NRG1: variants seen among roughly 807,000 people sequenced by gnomAD.
NRG1 encodes pro-neuregulin-1, membrane-bound isoform.
Under a neutral mutation model 63.8 loss-of-function variants are expected in NRG1, and 18 were observed. The ratio of observed to expected loss-of-function variants is 0.28; its 90% CI spans 0.19 to 0.42. NRG1 has a LOEUF of 0.42. Among genes scored for constraint, NRG1 ranks in the 10% least tolerant of loss-of-function variants. The probability of loss-of-function intolerance (pLI) is 1.00; values close to 1 mark genes in which losing one functional copy is unlikely to be tolerated. For missense variants in NRG1, 762 were observed against 814.7 expected (o/e 0.94, Z 0.79); for synonymous variants, 302 against 301.3 (o/e 1.00, Z -0.02).
intron 1 of NRG1, among the ~76,000 whole-genome samples, chr8:31,916,184 TAC>T (rs1186469027): frequency 6.6e-6 from 1 of 152,120 alleles, no homozygotes; most frequent in Non-Finnish European, 1.5e-5. Flanking sequence ...ATAGGCTTAG[TAC>T]ATTTTAGACC....
chr8:31,848,463 T>C (rs1212885001), intron 1 of NRG1, among the ~76,000 whole-genome samples: 5 of 152,160 alleles, frequency 3.3e-5, no homozygotes, highest in African/African-American at 1.2e-4. Flanking sequence ...GCTGTTTACA[T>C]AGCAAATACA....
chr8:31,640,233 C>T lies in NRG1; in HGVS notation c.37+802C>T. The T allele has an allele frequency of 8.7e-7, 1 of 1,155,752 alleles. No individual in the cohort carries two copies. Among genetic ancestry groups the T allele is most frequent in the African/African-American group, 1.6e-5 (1 of 61,102 alleles). 71.6% of individuals were successfully genotyped at this position (1,155,752 alleles called of 1,614,324 possible). A position where few individuals can be genotyped will look rare whatever the true frequency, so the allele number is the denominator to read the frequency against. The stretch of plus-strand genomic sequence containing the variant: ...TAGCTCAGCGCGCCGCGGTGGTGAT[C>T]GAGGGAAAGGTGCACCCGCAGCGGC... On this transcript the variant is annotated intron_variant, in intron 1 of 10. Coordinates refer to the NRG1 transcript ENST00000519301. The surrounding 1 kb of genome is among the most constrained non-coding windows in gnomAD (Gnocchi z 6.3).
At chr8:32,749,675 C>T (rs2129048206) in intron 7 of NRG1, 1 of 1,244,864 alleles carries the variant, frequency 8.0e-7, no homozygotes, top group Middle Eastern at 2.0e-4. Context: ...CTTTCAGTTC[C>T]TAACTAATTT....
At chr8:32,382,584 T>C (rs1166423936) in intron 1 of NRG1, among the ~76,000 whole-genome samples, 1 of 152,200 alleles carries the variant, frequency 6.6e-6, no homozygotes, top group Non-Finnish European at 1.5e-5. Flanking sequence ...TAAGTGTGTC[T>C]CAAGATTTTA....
intron 1 of NRG1, among the ~76,000 whole-genome samples, chr8:32,056,849 A>G (rs892458960): frequency 6.6e-6 from 1 of 152,220 alleles, no homozygotes; most frequent in Non-Finnish European, 1.5e-5. Context: ...ATTTTAAAAA[A>G]TGCTAAAAGC....
intron 3 of NRG1, among the ~76,000 whole-genome samples, chr8:32,611,599 C>T (rs1846366758): frequency 6.6e-6 from 1 of 151,938 alleles, no homozygotes; most frequent in South Asian, 2.1e-4. Flanking sequence ...TTCTCAGTTG[C>T]CTTAGAGTAA....
At chr8:32,595,760 T>C in intron 1 of NRG1, 68 bp from the exon 2 acceptor site, 10 of 1,463,766 alleles carry the variant, frequency 6.8e-6, no homozygotes, top group Non-Finnish European at 6.5e-6. Context: ...TAACTCCAGA[T>C]TAAATGTTTC....
chr8:32,685,827 C>A (rs181941318), intron 5 of NRG1, among the ~76,000 whole-genome samples: 2 of 152,270 alleles, frequency 1.3e-5, no homozygotes, highest in African/African-American at 2.4e-5. Context: ...AATCCAGTTC[C>A]ACTAGGGAAT....
At chr8:32,469,487 C>T (rs1296864998) in intron 1 of NRG1, among the ~76,000 whole-genome samples, 3 of 152,166 alleles carry the variant, frequency 2.0e-5, no homozygotes, top group Admixed American at 6.5e-5. Flanking sequence ...ATTATTAAAA[C>T]TCTGATCCCC....
intron 5 of NRG1, among the ~76,000 whole-genome samples, chr8:32,657,257 T>A (rs1801716651): frequency 6.6e-6 from 1 of 151,766 alleles, no homozygotes; most frequent in South Asian, 2.1e-4. Context: ...TACAATGTAA[T>A]ATAATTTTGT....
At chr8:32,619,637 A>T (rs1394235798) in intron 5 of NRG1, among the ~76,000 whole-genome samples, 1 of 152,192 alleles carries the variant, frequency 6.6e-6, no homozygotes, top group Admixed American at 6.5e-5. Flanking sequence ...TTCCCTAACC[A>T]ATTCATTGTG....
chr8:32,170,407 G>A (rs1179295335), intron 1 of NRG1, among the ~76,000 whole-genome samples: 1 of 152,152 alleles, frequency 6.6e-6, no homozygotes, highest in Non-Finnish European at 1.5e-5. Context: ...GGGAAGGGGA[G>A]GAATATCCAC....
intron 1 of NRG1, among the ~76,000 whole-genome samples, chr8:31,974,687 C>T (rs1017228838): frequency 1.3e-5 from 2 of 152,300 alleles, no homozygotes; most frequent in African/African-American, 2.4e-5. Flanking sequence ...CTGAATCTCC[C>T]GTGTCTTTGT....
At chr8:32,525,971 A>G (rs1830800257) in intron 1 of NRG1, among the ~76,000 whole-genome samples, 1 of 152,020 alleles carries the variant, frequency 6.6e-6, no homozygotes, top group Non-Finnish European at 1.5e-5. Flanking sequence ...TACCCATTTT[A>G]TTTCTTTACT....
chr8:32,514,209 A>T (rs987546484), intron 1 of NRG1, among the ~76,000 whole-genome samples: 6 of 152,208 alleles, frequency 3.9e-5, no homozygotes, highest in African/African-American at 1.4e-4. Flanking sequence ...GTCTTTTCCG[A>T]AAATGCAAAT....
At chr8:32,029,685 C>T (rs951683912) in intron 1 of NRG1, among the ~76,000 whole-genome samples, 4 of 152,164 alleles carry the variant, frequency 2.6e-5, no homozygotes, top group Admixed American at 6.6e-5. Context: ...GGACTCATAT[C>T]GAGGTTTCTA....
chr8:31,708,399 A>G (rs1174470935), intron 1 of NRG1, among the ~76,000 whole-genome samples: 8 of 152,094 alleles, frequency 5.3e-5, no homozygotes, highest in African/African-American at 1.9e-4. Flanking sequence ...TACTCCCCTG[A>G]ACAACAACTT....
At chr8:32,132,789 G>C (rs970029335) in intron 1 of NRG1, among the ~76,000 whole-genome samples, 1 of 152,004 alleles carries the variant, frequency 6.6e-6, no homozygotes, top group Non-Finnish European at 1.5e-5. Context: ...TAGAGAATTC[G>C]CTTCCTGTTT....
At chr8:32,285,010 A>G (rs1853362351) in intron 1 of NRG1, among the ~76,000 whole-genome samples, 1 of 152,142 alleles carries the variant, frequency 6.6e-6, no homozygotes, top group African/African-American at 2.4e-5. Context: ...CAAATAGCCC[A>G]TTTGTCCTCC....
Sources: gnomAD v4.1 joint callset for allele counts (sites outside exome capture counted in the v4.1 genomes callset) on GRCh38, gnomAD v4.1.1 for gene constraint, Gnocchi (gnomAD v3.1) non-coding constraint, MANE v1.5 for transcripts, NCBI Gene and HGNC (gene_info 2026-07-23, HGNC 2026-07-21) for gene names.